GATA5: variants seen among roughly 807,000 people sequenced by gnomAD.
GATA5 encodes GATA binding protein 5.
A neutral mutation model predicts 35.0 loss-of-function variants in GATA5; 27 were observed. The ratio of observed to expected loss-of-function variants is 0.77; its 90% confidence interval spans 0.57 to 1.06. The LOEUF is 1.06. Ranked by LOEUF, GATA5 falls within the 50% of genes least tolerant of loss-of-function variation. GATA5 has a pLI of 0.00. For missense variants in GATA5, 612 were observed against 580.0 expected (o/e 1.06, Z -0.57); for synonymous variants, 306 against 267.8 (o/e 1.14, Z -1.39).
Position 62,464,955 on chromosome 20 carries a change from G to T in GATA5, c.1075C>A (p.His359Asn). The stretch of plus-strand genomic sequence containing the variant: ...TCAGGCTCGAACTTGAACTCCAAGT[G>T]GCCGGGGGCAAGAGAGTCATCCTCC... ...GQEDDSLAPG[H>N]LEFKFEPEDF... Residue 359 changes from histidine to asparagine, a missense_variant, in exon 7 of 7, where the codon CAC (histidine) becomes AAC (asparagine). Coordinates refer to ENST00000252997, the MANE Select transcript of GATA5 (RefSeq NM_080473.5). 1 of 1,610,736 alleles carries T rather than the reference G, an allele frequency of 6.2e-7. No homozygotes were observed. Among genetic ancestry groups the T allele is most frequent in the Non-Finnish European group, 8.5e-7 (1 of 1,178,920 alleles).
intron 3 of GATA5, among the ~76,000 whole-genome samples, chr20:62,466,934 C>T (rs989647819): frequency 6.6e-6 from 1 of 152,232 alleles, no homozygotes; most frequent in Non-Finnish European, 1.5e-5. Context: ...GCCACAGGGT[C>T]CCCCGGAGGC....
At chr20:62,473,306 C>T (rs1989765962) in intron 3 of GATA5, 97 bp downstream of exon 3, 1 of 1,389,582 alleles carries the variant, frequency 7.2e-7, no homozygotes, top group Non-Finnish European at 9.9e-7. Context: ...CTCCCTACCC[C>T]CTACCCCAGG....
intron 3 of GATA5, among the ~76,000 whole-genome samples, chr20:62,467,145 G>A (rs1555896178): frequency 6.6e-6 from 1 of 152,190 alleles, no homozygotes; most frequent in Non-Finnish European, 1.5e-5. Flanking sequence ...CCTCCTTCCC[G>A]TGGCTCTCAG....
At position 62,475,653 on chromosome 20, in the gene GATA5, C is replaced by T. The variant is rs534892601; in HGVS notation, c.-21-111G>A. The T allele has an allele frequency of 3.3e-5, 23 of 688,908 alleles. No individual in the cohort carries two copies. The South Asian group carries it at 1.6e-3, about 48-fold the overall frequency. 42.7% of individuals were successfully genotyped at this position (688,908 alleles called of 1,614,324 possible). A position where few individuals can be genotyped will look rare whatever the true frequency, so the allele number is the denominator to read the frequency against. On this transcript the variant is annotated intron_variant, in intron 1 of 6. Transcript: ENST00000252997. ...GCTTCGGGCAGCGCTTCCCAGTCCCCAGCCCGGGACGTTCGCGGGGCGGGT... is the reference window on the plus strand; with the variant it reads ...GCTTCGGGCAGCGCTTCCCAGTCCCTAGCCCGGGACGTTCGCGGGGCGGGT...
At position 62,475,513 on chromosome 20, in the gene GATA5, C is replaced by G; in HGVS notation, c.9G>C (p.Gln3His). Residue 3 changes from glutamine (Q) to histidine (H), a missense_variant, in exon 2 of 7, where the codon CAG becomes CAC. Coordinates refer to ENST00000252997, the MANE Select transcript of GATA5 (RefSeq NM_080473.5). ...GGGGGCTCGCGGCCAGCGCCAGGCTCTGGTACATCCTCCCAGGCGTGGTCT... is the reference window on the plus strand; with the variant it reads ...GGGGGCTCGCGGCCAGCGCCAGGCTGTGGTACATCCTCCCAGGCGTGGTCT... MY[Q>H]SLALAASPRQ... The G allele has an allele frequency of 2.3e-6, 3 of 1,317,566 alleles. No individual in the cohort carries two copies. Among genetic ancestry groups the G allele is most frequent in the Non-Finnish European group, 2.9e-6 (3 of 1,035,246 alleles). The allele number at this position is 1,317,566 out of a possible 1,614,324, so 81.6% of individuals were successfully genotyped here.
chr20:62,467,997 C>T (rs956895277), intron 3 of GATA5, among the ~76,000 whole-genome samples: 9 of 149,452 alleles, frequency 6.0e-5, no homozygotes, highest in African/African-American at 1.8e-4. Context: ...CTCGGCTTCC[C>T]CGTCTGTTAC....
rs1989512695 is a variant in GATA5, at chr20:62,464,090, C to T, written c.*746G>A. ...GCTTGGATGGGTCAGGACAGGGCTA[C>T]CAGACAATTCATTCTGCCTGTCAGA... On this transcript the variant is annotated 3_prime_UTR_variant, in exon 7 of 7. Coordinates refer to ENST00000252997, the MANE Select transcript of GATA5 (RefSeq NM_080473.5). 6.6e-6 allele frequency: 1 copy of T among 152,232 alleles called. No individual in the cohort carries two copies. The highest frequency in any genetic ancestry group is 2.4e-5 in the African/African-American group (1 of 41,438). 9.4% of individuals were successfully genotyped at this position (152,232 alleles called of 1,614,324 possible).
rs1207428904 is a variant in GATA5 at position 62,473,439 on chromosome 20, G to A, written c.663C>T (p.Gly221=). 4.3e-6 allele frequency: 7 copies of A among 1,610,734 alleles called. No homozygotes were observed. The highest frequency in any genetic ancestry group is 2.2e-5 in the East Asian group (1 of 44,798). The part of the protein sequence containing the change: ...NACGLYHKMN[G]VNRPLVRPQK... ...GAGGCCGAACGAGCGGCCGGTTGACGCCATTCATCTTGTGGTAGAGGCCGC... is the reference window on the plus strand; with the variant it reads ...GAGGCCGAACGAGCGGCCGGTTGACACCATTCATCTTGTGGTAGAGGCCGC... Residue 221 remains glycine (G), a synonymous_variant, in exon 3 of 7, where the codon GGC becomes GGT. Coordinates refer to ENST00000252997, the MANE Select transcript of GATA5 (RefSeq NM_080473.5).
chr20:62,466,533 C>T lies in GATA5; in HGVS notation c.718G>A (p.Gly240Ser), dbSNP rs1989594834. 6.4e-6 allele frequency: 10 copies of T among 1,555,896 alleles called. No individual in the cohort carries two copies. Among genetic ancestry groups the T allele is most frequent in the African/African-American group, 1.4e-5 (1 of 73,594 alleles). ...QKRLSSSRRA[G>S]LCCTNCHTTN... The stretch of plus-strand genomic sequence containing the variant: ...GTGTGGCAGTTGGTGCAGCAGAGGC[C>T]GGCGCGGCGGGACGAGGACTGTGGG... The change falls in exon 4 of 7, where the codon GGC becomes AGC. Residue 240 changes from glycine (G) to serine (S), a missense_variant. Coordinates refer to ENST00000252997, the MANE Select transcript of GATA5 (RefSeq NM_080473.5).
intron 6 of GATA5, 32 bp from the exon 7 acceptor site, chr20:62,465,023 G>A: frequency 9.2e-7 from 1 of 1,088,974 alleles, no homozygotes; most frequent in East Asian, 2.6e-5. Flanking sequence ...AGAATGTGGG[G>A]TGGGGCGTGG....
At chr20:62,469,124 T>C (rs925405986) in intron 3 of GATA5, among the ~76,000 whole-genome samples, 13 of 152,242 alleles carry the variant, frequency 8.5e-5, no homozygotes, top group Non-Finnish European at 1.3e-4. Flanking sequence ...CCCATCCGTC[T>C]GTCTTCCTGA....
intron 2 of GATA5, 27 bp from the exon 3 acceptor site, chr20:62,473,605 C>A (rs566244361): frequency 1.9e-6 from 3 of 1,559,676 alleles, no homozygotes; most frequent in African/African-American, 1.4e-5. Flanking sequence ...CTGGTGGGCC[C>A]GGGCCCTCCC....
intron 3 of GATA5, among the ~76,000 whole-genome samples, chr20:62,472,129 A>G (rs1174756422): frequency 2.0e-5 from 3 of 152,138 alleles, no homozygotes; most frequent in African/African-American, 7.2e-5. Context: ...CTGGGAGCAC[A>G]GGCAGAGTCA....
chr20:62,475,644 C>T lies in GATA5; in HGVS notation c.-21-102G>A, dbSNP rs868935683. The stretch of plus-strand genomic sequence containing the variant: ...GGTGCCGCCGCTTCGGGCAGCGCTT[C>T]CCAGTCCCCAGCCCGGGACGTTCGC... On this transcript the variant is annotated intron_variant, in intron 1 of 6. Coordinates refer to ENST00000252997, the MANE Select transcript of GATA5 (RefSeq NM_080473.5). The T allele has an allele frequency of 1.3e-4, 98 of 750,880 alleles. No homozygotes were observed. The African/African-American group carries it at 1.6e-3, about 12-fold the overall frequency. The allele number at this position is 750,880 out of a possible 1,614,324, so 46.5% of individuals were successfully genotyped here. A position where few individuals can be genotyped will look rare whatever the true frequency, so the allele number is the denominator to read the frequency against.
intron 3 of GATA5, 44 bp downstream of exon 3, chr20:62,473,359 G>A (rs1223502939): frequency 6.4e-7 from 1 of 1,568,078 alleles, no homozygotes; most frequent in Non-Finnish European, 8.6e-7. Flanking sequence ...GTCCCCTCGG[G>A]GGAGCACTGC....
chr20:62,475,174 G>A lies in GATA5; in HGVS notation c.348C>T (p.Tyr116=), dbSNP rs2146490347. 10 of 1,285,394 alleles carry A rather than the reference G, an allele frequency of 7.8e-6. No individual in the cohort carries two copies. Among genetic ancestry groups the A allele is most frequent in the African/African-American group, 1.5e-5 (1 of 64,936 alleles). The allele number at this position is 1,285,394 out of a possible 1,614,324, so 79.6% of individuals were successfully genotyped here. ...GTTCTCGAGGCAACAGCGCGCCCTGGTAGGCACTGCCGTCTCGGCCCCCCG... is the reference window on the plus strand; with the variant it reads ...GTTCTCGAGGCAACAGCGCGCCCTGATAGGCACTGCCGTCTCGGCCCCCCG... ...GSAGGRDGSA[Y]QGALLPREQF... Residue 116 remains tyrosine, a synonymous_variant, in exon 2 of 7, where the codon TAC becomes TAT. Coordinates refer to ENST00000252997, the MANE Select transcript of GATA5 (RefSeq NM_080473.5).
At chr20:62,467,497 C>T (rs1308773748) in intron 3 of GATA5, among the ~76,000 whole-genome samples, 1 of 152,234 alleles carries the variant, frequency 6.6e-6, no homozygotes, top group East Asian at 1.9e-4. Context: ...TTCCCAGCCA[C>T]TTGTCCCCAG....
At chr20:62,472,507 G>T (rs782522793) in intron 3 of GATA5, among the ~76,000 whole-genome samples, 7 of 152,186 alleles carry the variant, frequency 4.6e-5, no homozygotes, top group Non-Finnish European at 5.9e-5. Flanking sequence ...GATCGACCCC[G>T]CACGGAGTCC....
At position 62,469,017 on chromosome 20, in the gene GATA5, T is replaced by C. The variant is rs1006033450; in HGVS notation, c.700-2466A>G. 5.9e-5 allele frequency among the ~76,000 whole-genome samples: 9 copies of C among 152,210 alleles called. 1 individual carries two copies. The highest frequency in any genetic ancestry group is 3.3e-4 in the Admixed American group (5 of 15,282). ...TTTGGTCCAGCCTCCCTCTCTTCTA[T>C]CCTCGTCAGGTGCCAGGTGCTGTGG... is the stretch of plus-strand genomic sequence containing the variant. On this transcript the variant is annotated intron_variant, in intron 3 of 6. Coordinates refer to ENST00000252997, the MANE Select transcript of GATA5 (RefSeq NM_080473.5).
Sources: gnomAD v4.1 joint callset for allele counts (sites outside exome capture counted in the v4.1 genomes callset) on GRCh38, gnomAD v4.1.1 for gene constraint, MANE v1.5 for transcripts, NCBI Gene and HGNC (gene_info 2026-07-23, HGNC 2026-07-21) for gene names.